SEC31A: variants seen among roughly 807,000 people sequenced by gnomAD.
The protein encoded by SEC31A is SEC31 homolog A, COPII component, also known as protein transport protein Sec31A.
A neutral mutation model predicts 151.0 loss-of-function variants in SEC31A; 70 were observed. The observed-to-expected ratio is 0.46, with a 90% CI of 0.38 to 0.57. The LOEUF is 0.57. Ranked by LOEUF, SEC31A falls within the 20% of genes least tolerant of loss-of-function variation. The probability of loss-of-function intolerance (pLI) is 0.00; values close to 1 mark genes in which losing one functional copy is unlikely to be tolerated. For missense variants in SEC31A, 1,330 were observed against 1,471.2 expected (o/e 0.90, Z 1.57); for synonymous variants, 475 against 505.9 (o/e 0.94, Z 0.82).
chr4:82,898,801 A>G (rs1346179864), intron 3 of SEC31A, among the ~76,000 whole-genome samples: 3 of 152,238 alleles, frequency 2.0e-5, no homozygotes, highest in East Asian at 3.8e-4. Context: ...TGCAGCCACT[A>G]GGGAAAATAA....
intron 4 of SEC31A, 75 bp downstream of exon 4, chr4:82,878,655 G>A: frequency 8.1e-7 from 1 of 1,238,440 alleles, no homozygotes. Context: ...CCAAAACTGA[G>A]GCATAGTAGA....
chr4:82,828,919 AG>A (rs1182767510), intron 23 of SEC31A, 80 bp downstream of exon 23: 1 of 1,048,448 alleles, frequency 9.5e-7, no homozygotes, highest in Non-Finnish European at 1.5e-6. Flanking sequence ...TAAAAGGATC[AG>A]TGAAGTATAG....
intron 18 of SEC31A, among the ~76,000 whole-genome samples, chr4:82,852,857 A>C (rs1731753771): frequency 6.6e-6 from 1 of 152,186 alleles, no homozygotes; most frequent in African/African-American, 2.4e-5. Context: ...TCCACAGGCC[A>C]GCAGGGGGGA....
At position 82,824,619 on chromosome 4, in the gene SEC31A, T is replaced by A; in HGVS notation, c.3347A>T (p.His1116Leu). The A allele has an allele frequency of 6.2e-7, 1 of 1,614,024 alleles. No individual in the cohort carries two copies. Among genetic ancestry groups the A allele is most frequent in the Non-Finnish European group, 8.5e-7 (1 of 1,179,932 alleles). The stretch of plus-strand genomic sequence containing the variant: ...CTCAAATGTGGTCTTTAGAATGAGG[T>A]GCTCATCTGGAATAGGTTTCTTGGT... ...KITKKPIPDE[H>L]LILKTTFEDL... Residue 1116 changes from histidine to leucine, a missense_variant, in exon 25 of 27, where the codon CAC becomes CTC. By Grantham distance (99) the His-to-Leu change is moderately conservative (BLOSUM62 -3). Coordinates refer to ENST00000395310, the MANE Select transcript of SEC31A (RefSeq NM_001077207.4).
intron 16 of SEC31A, among the ~76,000 whole-genome samples, chr4:82,855,923 T>C (rs1169466315): frequency 6.6e-6 from 1 of 152,208 alleles, no homozygotes; most frequent in East Asian, 1.9e-4. Context: ...ATAACAAACC[T>C]GCACATGTAC....
intron 7 of SEC31A, 54 bp downstream of exon 7, chr4:82,871,890 C>T: frequency 6.2e-7 from 1 of 1,611,280 alleles, no homozygotes; most frequent in Admixed American, 1.7e-5. Context: ...GAAAACATCA[C>T]CGACATGTTC....
intron 20 of SEC31A, among the ~76,000 whole-genome samples, chr4:82,847,064 A>C (rs1267797398): frequency 6.6e-6 from 1 of 152,224 alleles, no homozygotes; most frequent in Non-Finnish European, 1.5e-5. Context: ...CAACATATAA[A>C]TTGTGTGTTA....
chr4:82,818,544 T>C lies in SEC31A; in HGVS notation c.*530A>G, dbSNP rs1370093232. ...GCCAGTGATCCCATTTTTATTAATA[T>C]CTGCTAAAACCCATGTAGCAGTTTG... On this transcript the variant is annotated 3_prime_UTR_variant, in exon 27 of 27. Transcript: ENST00000395310. The C allele has an allele frequency of 1.3e-5, 2 of 152,222 alleles. No individual in the cohort carries two copies. The highest frequency in any genetic ancestry group is 2.4e-5 in the African/African-American group (1 of 41,454). 9.4% of individuals were successfully genotyped at this position (152,222 alleles called of 1,614,324 possible).
intron 21 of SEC31A, chr4:82,842,699 C>A: frequency 2.0e-6 from 1 of 506,962 alleles, no homozygotes; most frequent in Non-Finnish European, 3.5e-6. Context: ...CATCCCCAAA[C>A]TGCCTCTGGT....
intron 20 of SEC31A, among the ~76,000 whole-genome samples, chr4:82,846,298 C>T (rs540387053): frequency 2.6e-5 from 4 of 151,052 alleles, no homozygotes; most frequent in Admixed American, 2.0e-4. Flanking sequence ...CCACCACGCC[C>T]GGCCTGTTTG....
intron 20 of SEC31A, among the ~76,000 whole-genome samples, chr4:82,847,642 T>A (rs1422088028): frequency 1.3e-5 from 2 of 152,096 alleles, no homozygotes; most frequent in Admixed American, 1.3e-4. Context: ...TCAGTTCTGG[T>A]GGGTTGCTTG....
rs1734863473 is a variant in SEC31A, at chr4:82,864,517, C to T, written c.1279G>A (p.Val427Met). The T allele has an allele frequency of 6.2e-7, 1 of 1,614,124 alleles. No homozygotes were observed. The highest frequency in any genetic ancestry group is 1.1e-5 in the South Asian group (1 of 91,088). The change falls in exon 11 of 27, where the codon GTG becomes ATG. Residue 427 changes from valine to methionine, a missense_variant. Physicochemically the swap from Val to Met is conservative, Grantham distance 21. Transcript: ENST00000395310. ...TCTGTTACAACCTGACTAATGAACA[C>T]ATGGTGCTGCTGCTGCTGCTGCTCA... ...GAEQQQQQHHVFISQVVTEKE... is the reference protein window; with the variant it reads ...GAEQQQQQHHMFISQVVTEKE...
chr4:82,866,065 A>T (rs1363887872), intron 10 of SEC31A, among the ~76,000 whole-genome samples: 1 of 151,974 alleles, frequency 6.6e-6, no homozygotes, highest in Non-Finnish European at 1.5e-5. Flanking sequence ...CACTCCCTGC[A>T]AAAAGAAAAG....
rs115990829 is a variant in SEC31A, at chr4:82,848,066, T to C, written c.2502+738A>G. 4.4e-3 allele frequency among the ~76,000 whole-genome samples: 663 copies of C among 152,308 alleles called. 1 individual carries two copies. The highest frequency in any genetic ancestry group is 7.4e-3 in the Non-Finnish European group (506 of 68,018). On this transcript the variant is annotated intron_variant, in intron 20 of 26. Transcript: ENST00000395310. ...AAAATAGGCAGAGTACCTGTTAACT[T>C]TGCTATCAATCAAGACCATTTATTA...
chr4:82,819,304 C>T (rs1384449074), intron 26 of SEC31A, 51 bp from the exon 27 acceptor site: 1 of 1,364,770 alleles, frequency 7.3e-7, no homozygotes, highest in Non-Finnish European at 9.9e-7. Context: ...GATAACTTCC[C>T]ATGAGATCCT....
At position 82,870,576 on chromosome 4, in the gene SEC31A, T is replaced by C. The variant is rs116354637; in HGVS notation, c.783-152A>G. ...CGCCGGGCGCATTGGCTCACACCTG[T>C]AATGCCAACTACTCAGGAGGCTGAG... is the stretch of plus-strand genomic sequence containing the variant. On this transcript the variant is annotated intron_variant, in intron 7 of 26. Transcript: ENST00000395310. The C allele has an allele frequency of 5.3e-3, 3,203 of 608,748 alleles. 12 individuals carry two copies. Among genetic ancestry groups the C allele is most frequent in the Non-Finnish European group, 7.7e-3 (2,684 of 348,486 alleles). The allele number at this position is 608,748 out of a possible 1,614,324, so 37.7% of individuals were successfully genotyped here. A position where few individuals can be genotyped will look rare whatever the true frequency, so the allele number is the denominator to read the frequency against.
At chr4:82,894,879 A>T (rs1719998075), upstream of SEC31A, 1 of 152,234 alleles carries the variant, frequency 6.6e-6, no homozygotes, top group Admixed American at 6.5e-5. Flanking sequence ...AGTTAGTAGG[A>T]GTTTATTTTG....
intron 7 of SEC31A, 29 bp downstream of exon 7, chr4:82,871,910 ACAAAT>A: frequency 1.9e-6 from 3 of 1,613,824 alleles, no homozygotes; most frequent in Non-Finnish European, 2.5e-6. Context: ...CAGAAAATAA[ACAAAT>A]CAAGTTCTTT....
chr4:82,885,964 T>C (rs1278826372), intron 1 of SEC31A, among the ~76,000 whole-genome samples: 1 of 152,122 alleles, frequency 6.6e-6, no homozygotes, highest in Non-Finnish European at 1.5e-5. Context: ...AAATTGTTTA[T>C]ATTTGAAGGA....
Sources: allele counts gnomAD v4.1 joint callset (sites outside exome capture counted in the v4.1 genomes callset), GRCh38; gene constraint gnomAD v4.1.1; transcripts MANE v1.5; gene names NCBI Gene and HGNC (gene_info 2026-07-23, HGNC 2026-07-21).